The following ZNF169 variants were observed in gnomAD, a reference collection of about 807,000 sequenced individuals.
ZNF169 encodes the protein zinc finger protein 169.
A neutral mutation model predicts 12.0 loss-of-function variants in ZNF169; 11 were observed. The ratio of observed to expected loss-of-function variants is 0.92; its 90% confidence interval spans 0.58 to 1.52. The LOEUF (loss-of-function observed/expected upper bound fraction) is 1.52. Among genes scored for constraint, ZNF169 ranks in the 40% most tolerant of loss-of-function variants. The pLI, the probability that ZNF169 is intolerant of heterozygous loss-of-function variation, is 0.00. For missense variants in ZNF169, 722 were observed against 744.0 expected (o/e 0.97, Z 0.34); for synonymous variants, 302 against 286.5 (o/e 1.05, Z -0.55).
chr9:94,293,021 G>A lies in ZNF169; in HGVS notation c.208G>A (p.Asp70Asn), dbSNP rs565038115. Residue 70 changes from aspartate to asparagine, a missense_variant, in exon 4 of 5, where the codon GAC becomes AAC. By Grantham distance (23) the Asp-to-Asn change is conservative. Transcript: ENST00000395395. Reference protein sequence around the residue: ...PKLIEQLEQGDEPWREENEHL... With the variant: ...PKLIEQLEQGNEPWREENEHL... ...ACTCATCGAACAGCTGGAGCAAGGCGACGAACCTTGGAGAGAGGAGAACGA... is the reference window on the plus strand; with the variant it reads ...ACTCATCGAACAGCTGGAGCAAGGCAACGAACCTTGGAGAGAGGAGAACGA... 35 of 1,613,584 alleles carry A rather than the reference G, an allele frequency of 2.2e-5. 2 individuals are homozygous for A. The South Asian group carries it at 3.1e-4, about 14-fold the overall frequency.
At chr9:94,260,212 C>T (rs962512911) in intron 1 of ZNF169, among the ~76,000 whole-genome samples, 3 of 152,232 alleles carry the variant, frequency 2.0e-5, no homozygotes, top group Non-Finnish European at 4.4e-5. Context: ...GCCACCACGC[C>T]CGGCTAATAT....
chr9:94,264,048 G>A (rs150804393), intron 1 of ZNF169, among the ~76,000 whole-genome samples: 225 of 152,126 alleles, frequency 1.5e-3, no homozygotes, highest in Non-Finnish European at 1.7e-3. Context: ...TACCTACTCC[G>A]TCATTCTTCA....
Position 94,292,306 on chromosome 9 carries a change from G to A in ZNF169, c.34-35G>A, listed in dbSNP as rs561123279. On this transcript the variant is annotated intron_variant, in intron 2 of 4. Transcript: ENST00000395395. ...TTAAGTTGGTTAGTGGGCATGGCTG[G>A]CTGTTGAGTGAGCAGGGATGTGTTT... is the stretch of plus-strand genomic sequence containing the variant. The A allele has an allele frequency of 1.9e-6, 3 of 1,613,668 alleles. No individual in the cohort carries two copies. The East Asian group carries it at 6.7e-5, about 36-fold the overall frequency.
At chr9:94,267,241 A>G (rs1830311072) in intron 1 of ZNF169, among the ~76,000 whole-genome samples, 1 of 152,200 alleles carries the variant, frequency 6.6e-6, no homozygotes, top group Admixed American at 6.5e-5. Flanking sequence ...GGGTTCATGG[A>G]CTGTCAGAAA....
At chr9:94,265,957 A>G (rs3118764) in intron 1 of ZNF169, among the ~76,000 whole-genome samples, 136,044 of 151,856 alleles carry the variant, frequency 0.9, 61,607 homozygotes, top group East Asian at 0.99. Flanking sequence ...ATGGTGGCAC[A>G]TGCCTGTAAT....
In ZNF169 at chr9:94,300,718, C is replaced by T. The variant is rs1411931860; in HGVS notation, c.1160C>T (p.Ser387Leu). 1 of 1,612,608 alleles carries T rather than the reference C, an allele frequency of 6.2e-7. No individual in the cohort carries two copies. Among genetic ancestry groups the T allele is most frequent in the South Asian group, 1.1e-5 (1 of 91,012 alleles). Residue 387 changes from serine (S) to leucine (L), a missense_variant, in exon 5 of 5, where the codon TCA becomes TTA. Ser to Leu is a moderately radical substitution (Grantham distance 145). Transcript: ENST00000395395. ...LECGRSFRQQSLLLSHQVTHS... is the reference protein window; with the variant it reads ...LECGRSFRQQLLLLSHQVTHS... ...TGTGGGCGTAGCTTCAGGCAGCAGTCACTCCTCCTTAGTCACCAGGTCACA... is the reference window on the plus strand; with the variant it reads ...TGTGGGCGTAGCTTCAGGCAGCAGTTACTCCTCCTTAGTCACCAGGTCACA...
intron 1 of ZNF169, among the ~76,000 whole-genome samples, chr9:94,271,488 G>A (rs577489784): frequency 3.9e-5 from 6 of 152,120 alleles, no homozygotes; most frequent in East Asian, 1.9e-4. Context: ...TTGGGAGGCC[G>A]AGGCGGGCAG....
At chr9:94,293,400 G>A (rs1203170740) in intron 4 of ZNF169, 1 of 597,682 alleles carries the variant, frequency 1.7e-6, no homozygotes, top group East Asian at 2.9e-5. Flanking sequence ...CTAAGTCCCT[G>A]CCCCTGGTTT....
chr9:94,290,773 G>T (rs1830812831), intron 2 of ZNF169, among the ~76,000 whole-genome samples: 1 of 152,060 alleles, frequency 6.6e-6, no homozygotes, highest in African/African-American at 2.4e-5. Context: ...ATTTTTGGGG[G>T]TATATTCCTA....
Position 94,300,834 on chromosome 9 carries a change from G to T in ZNF169, c.1276G>T (p.Gly426Trp), listed in dbSNP as rs769024042. 6.2e-7 allele frequency: 1 copy of T among 1,614,038 alleles called. No individual in the cohort carries two copies. The highest frequency in any genetic ancestry group is 2.2e-5 in the East Asian group (1 of 44,874). The change falls in exon 5 of 5, where the codon GGG becomes TGG. Residue 426 changes from glycine (G) to tryptophan (W), a missense_variant. Transcript: ENST00000395395. ...CATCAGGCACCAGAGGACACACACA[G>T]GGGAGAAGCCTTACCTGTGCCCCCA... ...TLIRHQRTHT[G>W]EKPYLCPQCG...
chr9:94,269,309 T>A (rs1237270057), intron 1 of ZNF169, among the ~76,000 whole-genome samples: 1 of 151,960 alleles, frequency 6.6e-6, no homozygotes, highest in African/African-American at 2.4e-5. Context: ...CCCTTGGTGG[T>A]ACCGGACAAA....
At chr9:94,299,694 A>G in intron 4 of ZNF169, 121 bp from the exon 5 acceptor site, 1 of 1,466,212 alleles carries the variant, frequency 6.8e-7, no homozygotes, top group South Asian at 1.5e-5. Context: ...TAGAGCATGT[A>G]ATGTGCCCTT....
In ZNF169 at chr9:94,300,634, C is replaced by T; in HGVS notation, c.1076C>T (p.Ala359Val). ...TGTGGGAGAGGCTTTTGCCAGAAGG[C>T]ATCACTCCTCCAGCACCAGAGCTCA... ...PECGRGFCQK[A>V]SLLQHQSSHT... is the part of the protein sequence containing the mutation. The change falls in exon 5 of 5, where the codon GCA becomes GTA. Residue 359 changes from alanine to valine, a missense_variant. Transcript: ENST00000395395. 6.2e-7 allele frequency: 1 copy of T among 1,614,124 alleles called. No homozygotes were observed. The highest frequency in any genetic ancestry group is 8.5e-7 in the Non-Finnish European group (1 of 1,180,008).
intron 4 of ZNF169, 23 bp from the exon 5 acceptor site, chr9:94,299,792 G>T (rs1266296931): frequency 7.5e-6 from 12 of 1,591,388 alleles, no homozygotes; most frequent in South Asian, 1.1e-5. Context: ...TGGTGATTCT[G>T]ACCAAGACTT....
At chr9:94,278,038 C>T (rs1365839916) in intron 1 of ZNF169, among the ~76,000 whole-genome samples, 1 of 152,124 alleles carries the variant, frequency 6.6e-6, no homozygotes, top group African/African-American at 2.4e-5. Flanking sequence ...CTGCTTTTCT[C>T]ATTCATTTGT....
In ZNF169 at chr9:94,301,225, C is replaced by A; in HGVS notation, c.1667C>A (p.Ala556Asp). Residue 556 changes from alanine to aspartate, a missense_variant, in exon 5 of 5, where the codon GCC (alanine) becomes GAC (aspartate). Ala to Asp is a moderately radical substitution (Grantham distance 126). Transcript: ENST00000395395. ...GGGCGCGGCTTTGGCTTTAAGTCTG[C>A]CCTCATCCGACATCAGCGGACCCAT... Reference protein sequence around the residue: ...ECGRGFGFKSALIRHQRTHSG... With the variant: ...ECGRGFGFKSDLIRHQRTHSG... The A allele has an allele frequency of 6.2e-7, 1 of 1,614,086 alleles. No homozygotes were observed. The highest frequency in any genetic ancestry group is 8.5e-7 in the Non-Finnish European group (1 of 1,180,016).
rs769024042 is a variant in ZNF169 at position 94,300,834 on chromosome 9, G to C, written c.1276G>C (p.Gly426Arg). Residue 426 changes from glycine to arginine, a missense_variant, in exon 5 of 5, where the codon GGG becomes CGG. Coordinates refer to ENST00000395395, the MANE Select transcript of ZNF169 (RefSeq NM_194320.4). ...TLIRHQRTHT[G>R]EKPYLCPQCG... ...CATCAGGCACCAGAGGACACACACA[G>C]GGGAGAAGCCTTACCTGTGCCCCCA... The C allele has an allele frequency of 3.1e-6, 5 of 1,614,038 alleles. No homozygotes were observed. The highest frequency in any genetic ancestry group is 4.2e-6 in the Non-Finnish European group (5 of 1,179,912).
At chr9:94,292,894 C>A in intron 3 of ZNF169, 80 bp from the exon 4 acceptor site, 1 of 1,258,484 alleles carries the variant, frequency 7.9e-7, no homozygotes, top group Non-Finnish European at 1.1e-6. Flanking sequence ...TTATTGCATT[C>A]CTGGGTTGGC....
chr9:94,292,021 C>T (rs922792575), intron 2 of ZNF169, among the ~76,000 whole-genome samples: 37 of 152,300 alleles, frequency 2.4e-4, no homozygotes, highest in African/African-American at 7.7e-4. Flanking sequence ...TTTAGAATAG[C>T]TAAATCAACT....
Sources: allele counts gnomAD v4.1 joint callset (sites outside exome capture counted in the v4.1 genomes callset), GRCh38; gene constraint gnomAD v4.1.1; transcripts MANE v1.5; gene names NCBI Gene and HGNC (gene_info 2026-07-23, HGNC 2026-07-21).